The following NIBAN1 variants were observed in gnomAD, a reference collection of about 807,000 sequenced individuals.
NIBAN1 encodes the protein protein Niban 1.
A neutral mutation model predicts 75.1 loss-of-function variants in NIBAN1; 81 were observed. The observed-to-expected ratio is 1.08, with a 90% confidence interval of 0.90 to 1.30. NIBAN1 has a LOEUF of 1.30. NIBAN1 is among the 50% of genes most tolerant of loss of function. The pLI is 0.00. For missense variants in NIBAN1, 1,133 were observed against 1,128.1 expected, an observed-to-expected ratio of 1.00 and a Z score of -0.06; for synonymous variants, 436 against 424.8, an observed-to-expected ratio of 1.03 and a Z score of -0.32.
chr1:184,954,110 C>A (rs745419824), intron 1 of NIBAN1, among the ~76,000 whole-genome samples: 1 of 152,180 alleles, frequency 6.6e-6, no homozygotes, highest in Non-Finnish European at 1.5e-5. Flanking sequence ...TCTACATACA[C>A]AACGGCTCAA....
chr1:184,826,451 A>G (rs1313557654), intron 6 of NIBAN1, among the ~76,000 whole-genome samples: 1 of 152,216 alleles, frequency 6.6e-6, no homozygotes, highest in African/African-American at 2.4e-5. Flanking sequence ...TTCAGTGGGT[A>G]ATTAATAATC....
chr1:184,883,570 T>C (rs1299540448), intron 5 of NIBAN1, among the ~76,000 whole-genome samples: 1 of 152,216 alleles, frequency 6.6e-6, no homozygotes. Context: ...CATATTGGAA[T>C]GAGAAGTCTC....
At chr1:184,942,570 T>C (rs1249540703) in intron 1 of NIBAN1, among the ~76,000 whole-genome samples, 1 of 151,994 alleles carries the variant, frequency 6.6e-6, no homozygotes, top group African/African-American at 2.4e-5. Flanking sequence ...GGCGGGCGCC[T>C]GTAGTCCCAG....
rs1558090997 is a variant in NIBAN1, at chr1:184,792,701, G to C, written c.*2276C>G. On this transcript the variant is annotated 3_prime_UTR_variant, in exon 14 of 14. Coordinates refer to ENST00000367511, the MANE Select transcript of NIBAN1 (RefSeq NM_052966.4). ...TGACAGCAGGCCCCAAATAGCCCCA[G>C]CACAGCAGTGTTCTGGGTGTCCAGT... is the stretch of plus-strand genomic sequence containing the variant. 5.2e-5 allele frequency: 8 copies of C among 152,760 alleles called. No homozygotes were observed. Among genetic ancestry groups the C allele is most frequent in the Admixed American group, 5.2e-4 (8 of 15,290 alleles). The allele number at this position is 152,760 out of a possible 1,614,324, so 9.5% of individuals were successfully genotyped here.
intron 1 of NIBAN1, among the ~76,000 whole-genome samples, chr1:184,909,505 G>A (rs1319926229): frequency 6.6e-6 from 1 of 152,148 alleles, no homozygotes; most frequent in African/African-American, 2.4e-5. Context: ...AGTAAGGAAT[G>A]AACTTGGCTA....
intron 12 of NIBAN1, among the ~76,000 whole-genome samples, chr1:184,799,119 G>A (rs1055620717): frequency 5.3e-5 from 8 of 151,996 alleles, no homozygotes; most frequent in African/African-American, 1.9e-4. Context: ...GTATACATGT[G>A]CCATGCTGGT....
intron 5 of NIBAN1, among the ~76,000 whole-genome samples, chr1:184,863,221 T>C (rs1655863389): frequency 6.6e-6 from 1 of 152,184 alleles, no homozygotes; most frequent in Non-Finnish European, 1.5e-5. Flanking sequence ...ACACTCTCAG[T>C]TGGTCTTATC....
chr1:184,842,977 C>A lies in NIBAN1; in HGVS notation c.602-11015G>T, dbSNP rs1557885178. On this transcript the variant is annotated intron_variant, in intron 5 of 13. Transcript: ENST00000367511. ...TCTTGAATGCTTAGCGTCTTGATGA[C>A]CTTGTTCCCTCCTTAGCAGGTTACA... is the stretch of plus-strand genomic sequence containing the variant. Among the ~76,000 whole-genome samples the A allele has an allele frequency of 2.6e-5, 4 of 152,158 alleles. No homozygotes were observed. The South Asian group carries it at 8.3e-4, about 31-fold the overall frequency.
At chr1:184,879,176 C>A (rs1656311918) in intron 5 of NIBAN1, among the ~76,000 whole-genome samples, 1 of 152,174 alleles carries the variant, frequency 6.6e-6, no homozygotes, top group African/African-American at 2.4e-5. Context: ...AAGCATTTTG[C>A]TTGCAGTGCA....
At chr1:184,940,222 C>A (rs1658055590) in intron 1 of NIBAN1, among the ~76,000 whole-genome samples, 2 of 152,082 alleles carry the variant, frequency 1.3e-5, no homozygotes, top group Non-Finnish European at 2.9e-5. Flanking sequence ...TGACAAGAGA[C>A]CCCAGGAGCC....
chr1:184,855,296 G>T (rs1301638349), intron 5 of NIBAN1, among the ~76,000 whole-genome samples: 1 of 152,138 alleles, frequency 6.6e-6, no homozygotes, highest in African/African-American at 2.4e-5. Flanking sequence ...TTACAATCAA[G>T]AACATTTCTA....
At chr1:184,942,636 C>G (rs1468887116) in intron 1 of NIBAN1, among the ~76,000 whole-genome samples, 3 of 148,410 alleles carry the variant, frequency 2.0e-5, no homozygotes, top group African/African-American at 2.5e-5. Flanking sequence ...GGAGCTTGCA[C>G]TGAGCCCAGA....
At chr1:184,868,170 C>G (rs1419217057) in intron 5 of NIBAN1, 8 of 472,094 alleles carry the variant, frequency 1.7e-5, no homozygotes, top group Admixed American at 6.4e-5. Context: ...TTTTCTAAGC[C>G]TCTTAAAATA....
At chr1:184,874,895 C>T (rs1292503389) in intron 5 of NIBAN1, among the ~76,000 whole-genome samples, 1 of 151,884 alleles carries the variant, frequency 6.6e-6, no homozygotes, top group Admixed American at 6.6e-5. Flanking sequence ...TTTCAAGGGC[C>T]TATGAGCTTT....
intron 1 of NIBAN1, among the ~76,000 whole-genome samples, chr1:184,900,615 T>G (rs1205471086): frequency 6.6e-6 from 1 of 152,122 alleles, no homozygotes; most frequent in Non-Finnish European, 1.5e-5. Flanking sequence ...ACCTGAAACA[T>G]TCTTGCCTTT....
intron 1 of NIBAN1, among the ~76,000 whole-genome samples, chr1:184,904,088 G>T (rs1657025391): frequency 6.6e-6 from 1 of 152,024 alleles, no homozygotes; most frequent in African/African-American, 2.4e-5. Context: ...CAGAGACAGG[G>T]TTTCACCATG....
intron 1 of NIBAN1, among the ~76,000 whole-genome samples, chr1:184,954,292 A>G (rs1571601764): frequency 1.3e-5 from 2 of 152,344 alleles, no homozygotes; most frequent in South Asian, 4.1e-4. Flanking sequence ...AATGAAACTC[A>G]TCTGTTATTT....
chr1:184,856,859 C>A (rs1655692069), intron 5 of NIBAN1, among the ~76,000 whole-genome samples: 1 of 152,154 alleles, frequency 6.6e-6, no homozygotes, highest in Non-Finnish European at 1.5e-5. Context: ...GTGATAAATG[C>A]TACTAGTGAA....
At chr1:184,949,281 C>T (rs1171831021) in intron 1 of NIBAN1, among the ~76,000 whole-genome samples, 2 of 152,136 alleles carry the variant, frequency 1.3e-5, no homozygotes, top group Middle Eastern at 3.2e-3. Context: ...TGGCATGAAC[C>T]CGGGAGGCAG....
Sources: allele counts gnomAD v4.1 joint callset (sites outside exome capture counted in the v4.1 genomes callset), GRCh38; gene constraint gnomAD v4.1.1; transcripts MANE v1.5; gene names NCBI Gene and HGNC (gene_info 2026-07-23, HGNC 2026-07-21).